Variants in RIMS2 observed in about 807,000 individuals in gnomAD.
RIMS2 encodes the protein regulating synaptic membrane exocytosis 2.
Under a neutral mutation model 174.4 loss-of-function variants are expected in RIMS2, and 59 were observed. The observed-to-expected ratio is 0.34, with a 90% CI of 0.27 to 0.42. The LOEUF (loss-of-function observed/expected upper bound fraction) is 0.42, where lower values mean the gene tolerates loss of function less well. Ranked by LOEUF, RIMS2 falls within the 10% of genes least tolerant of loss-of-function variation. The probability of loss-of-function intolerance (pLI) is 1.00; values close to 1 mark genes in which losing one functional copy is unlikely to be tolerated. For missense variants in RIMS2, 1,620 were observed against 1,666.3 expected (o/e 0.97, Z 0.48); for synonymous variants, 606 against 572.5 (o/e 1.06, Z -0.84).
intron 19 of RIMS2, among the ~76,000 whole-genome samples, chr8:104,138,050 C>G (rs993741881): frequency 6.6e-6 from 1 of 152,142 alleles, no homozygotes; most frequent in Non-Finnish European, 1.5e-5. Flanking sequence ...CAAAGTTTGT[C>G]TTTCTGTGGC....
intron 19 of RIMS2, among the ~76,000 whole-genome samples, chr8:104,232,024 C>T (rs1455809462): frequency 2.3e-5 from 3 of 132,266 alleles, no homozygotes; most frequent in Non-Finnish European, 4.7e-5. Flanking sequence ...TCATAAAGCA[C>T]TTAGCGCATA....
intron 7 of RIMS2, among the ~76,000 whole-genome samples, 188 bp from the exon 11 acceptor site, chr8:103,916,225 TC>T (rs1222440405): frequency 6.6e-6 from 1 of 152,058 alleles, no homozygotes; most frequent in Non-Finnish European, 1.5e-5. Flanking sequence ...CATTGTCCTT[TC>T]CTGTGAAATA....
At chr8:104,164,120 A>C (rs2098781605) in intron 19 of RIMS2, among the ~76,000 whole-genome samples, 1 of 152,108 alleles carries the variant, frequency 6.6e-6, no homozygotes, top group Non-Finnish European at 1.5e-5. Context: ...CATTTGAAGT[A>C]TCTCAATTTC....
intron 1 of RIMS2, among the ~76,000 whole-genome samples, chr8:103,572,399 G>A (rs2092896177): frequency 7.3e-6 from 1 of 137,090 alleles, no homozygotes; most frequent in Admixed American, 6.8e-5. Flanking sequence ...ATTTTACAGA[G>A]CACTGATTGG....
At chr8:104,101,152 G>A (rs2097890061) in intron 19 of RIMS2, among the ~76,000 whole-genome samples, 1 of 138,626 alleles carries the variant, frequency 7.2e-6, no homozygotes, top group African/African-American at 2.8e-5. Context: ...TTTGAGACAG[G>A]GTCTCACTCT....
intron 13 of RIMS2, 130 bp from the exon 16 acceptor site, chr8:103,942,643 T>C (rs1018955307): frequency 3.1e-6 from 2 of 642,946 alleles, no homozygotes; most frequent in Non-Finnish European, 5.0e-6. Flanking sequence ...TTTTGCAACG[T>C]CTAAATGACC....
intron 2 of RIMS2, among the ~76,000 whole-genome samples, chr8:103,714,979 A>T (rs923876204): frequency 8.5e-5 from 13 of 152,182 alleles, no homozygotes; most frequent in African/African-American, 1.2e-4. Context: ...ATTCCTGGGC[A>T]TACTTCAAGT....
At chr8:103,956,594 A>G (rs954525987) in intron 14 of RIMS2, among the ~76,000 whole-genome samples, 1 of 152,234 alleles carries the variant, frequency 6.6e-6, no homozygotes, top group African/African-American at 2.4e-5. Context: ...TTATACAAAA[A>G]TTAACTCAAG....
At chr8:104,116,019 G>C (rs1050015703) in intron 19 of RIMS2, among the ~76,000 whole-genome samples, 7 of 152,068 alleles carry the variant, frequency 4.6e-5, no homozygotes, top group African/African-American at 1.7e-4. Context: ...AAAAATTGCT[G>C]AACAATCAAA....
intron 19 of RIMS2, among the ~76,000 whole-genome samples, chr8:104,122,498 A>C (rs925316226): frequency 6.6e-6 from 1 of 152,170 alleles, no homozygotes; most frequent in African/African-American, 2.4e-5. Flanking sequence ...AGAAATAGCA[A>C]TGACATCAGT....
intron 2 of RIMS2, among the ~76,000 whole-genome samples, chr8:103,722,522 C>T (rs995693914): frequency 3.9e-5 from 6 of 152,006 alleles, no homozygotes; most frequent in Admixed American, 2.0e-4. Flanking sequence ...GTGCAGTTCA[C>T]GATAGGATTT....
chr8:104,132,757 A>G (rs1335408563), intron 19 of RIMS2, among the ~76,000 whole-genome samples: 5 of 152,154 alleles, frequency 3.3e-5, no homozygotes, highest in African/African-American at 1.2e-4. Flanking sequence ...AAAAGGAGTG[A>G]CCTGTATGTT....
At chr8:104,210,835 ATAT>A (rs2099102064) in intron 19 of RIMS2, among the ~76,000 whole-genome samples, 1 of 152,230 alleles carries the variant, frequency 6.6e-6, no homozygotes, top group South Asian at 2.1e-4. Context: ...ATATGTCCTA[ATAT>A]TTTAAATAAG....
intron 19 of RIMS2, among the ~76,000 whole-genome samples, chr8:104,022,487 T>G (rs1302150925): frequency 6.6e-6 from 1 of 152,060 alleles, no homozygotes; most frequent in Admixed American, 6.6e-5. Flanking sequence ...GCTCAAGGGA[T>G]TCTCCTGCCT....
intron 1 of RIMS2, among the ~76,000 whole-genome samples, chr8:103,600,203 A>C (rs1386875095): frequency 6.6e-6 from 1 of 152,106 alleles, no homozygotes; most frequent in Non-Finnish European, 1.5e-5. Context: ...GTTGCAGATG[A>C]CAGAATCTCA....
At chr8:104,153,267 G>A (rs894646169) in intron 19 of RIMS2, among the ~76,000 whole-genome samples, 6 of 151,922 alleles carry the variant, frequency 3.9e-5, no homozygotes, top group African/African-American at 1.5e-4. Context: ...GCATATAGAG[G>A]GAATAAGGAG....
intron 19 of RIMS2, among the ~76,000 whole-genome samples, chr8:104,168,812 G>GTATGTCGCTTTTATTATTTTGAGT (rs2098813353): frequency 1.3e-5 from 2 of 151,950 alleles, no homozygotes; most frequent in East Asian, 3.9e-4. Context: ...TTATTTTGAG[G>GTATGTCGCTTTTATTATTTTGAGT]TATGTCACTT....
rs188275685 is a variant in RIMS2 at position 104,242,936 on chromosome 8, C to T, written c.3335-1980C>T. Among the ~76,000 whole-genome samples the T allele has an allele frequency of 1.6e-4, 24 of 152,246 alleles. 1 individual carries two copies. The East Asian group carries it at 3.5e-3, about 22-fold the overall frequency. ...TAATTTATGGAACAATTATTTGGCTCATATGAGTATCCTTTCTACAACCTT... is the reference window on the plus strand; with the variant it reads ...TAATTTATGGAACAATTATTTGGCTTATATGAGTATCCTTTCTACAACCTT... On this transcript the variant is annotated intron_variant, in intron 19 of 23. Transcript: ENST00000504942.
chr8:104,081,322 A>G lies in RIMS2; in HGVS notation c.3334+66707A>G, dbSNP rs190837810. 2.0e-5 allele frequency among the ~76,000 whole-genome samples: 3 copies of G among 152,168 alleles called. No homozygotes were observed. In the East Asian group the frequency reaches 5.8e-4, roughly 29 times the overall value. ...AGGGCTTATTTCAATAGAACATAAA[A>G]CATGCTTTTATTCAATAGAACATAA... On this transcript the variant is annotated intron_variant, in intron 19 of 23. Coordinates refer to ENST00000504942, the Ensembl canonical transcript of RIMS2.
Sources: gnomAD v4.1 joint callset for allele counts (sites outside exome capture counted in the v4.1 genomes callset) on GRCh38, gnomAD v4.1.1 for gene constraint, MANE v1.5 for transcripts, NCBI Gene and HGNC (gene_info 2026-07-23, HGNC 2026-07-21) for gene names.